ADAMTS17: variants seen among roughly 807,000 people sequenced by gnomAD.
The protein encoded by ADAMTS17 is A disintegrin and metalloproteinase with thrombospondin motifs 17.
In ADAMTS17, 113 loss-of-function variants were observed where a neutral mutation model predicts 141.5. The ratio of observed to expected loss-of-function variants is 0.80; its 90% CI spans 0.69 to 0.93. The LOEUF (loss-of-function observed/expected upper bound fraction) is 0.93, where lower values mean the gene tolerates loss of function less well. ADAMTS17 is among the 40% of genes least tolerant of loss of function. The pLI, the probability that ADAMTS17 is intolerant of heterozygous loss-of-function variation, is 0.00. For missense variants in ADAMTS17, 1,659 were observed against 1,517.9 expected (o/e 1.09, Z -1.54); for synonymous variants, 768 against 630.6 (o/e 1.22, Z -3.27).
At chr15:100,020,379 G>C (rs1216690416) in intron 18 of ADAMTS17, among the ~76,000 whole-genome samples, 1 of 152,192 alleles carries the variant, frequency 6.6e-6, no homozygotes. Flanking sequence ...CGCTCCCTCA[G>C]CAACTGTGTT....
chr15:100,337,762 T>TA lies in ADAMTS17; in HGVS notation c.450+3276dup, dbSNP rs199984250. On this transcript the variant is annotated intron_variant, in intron 2 of 21. Transcript: ENST00000268070. ...CTCCCCTCCTCTCGTTCACTCTTCC[T>TA]AAAACAAGTCCTCCAGCCACTCACT... Among the ~76,000 whole-genome samples, 1,006 of 152,344 alleles carry TA rather than the reference T, an allele frequency of 6.6e-3. 27 individuals are homozygous for TA. The highest frequency in any genetic ancestry group is 0.048 in the Admixed American group (738 of 15,306).
At chr15:100,169,820 C>T (rs897481830) in intron 8 of ADAMTS17, among the ~76,000 whole-genome samples, 11 of 152,278 alleles carry the variant, frequency 7.2e-5, no homozygotes, top group Admixed American at 3.3e-4. Context: ...TGCAACACAG[C>T]GTGGATGTGG....
chr15:100,048,528 C>G (rs2031887257), intron 18 of ADAMTS17, among the ~76,000 whole-genome samples: 1 of 151,396 alleles, frequency 6.6e-6, no homozygotes, highest in African/African-American at 2.4e-5. Flanking sequence ...TATTTGTTTC[C>G]TTCTCCACCA....
intron 15 of ADAMTS17, among the ~76,000 whole-genome samples, chr15:100,086,529 T>A (rs2035111598): frequency 6.6e-6 from 1 of 152,106 alleles, no homozygotes; most frequent in Non-Finnish European, 1.5e-5. Context: ...CCACCCCAAA[T>A]CAACAGAATA....
chr15:100,004,847 C>T (rs1177914450), intron 18 of ADAMTS17, among the ~76,000 whole-genome samples: 1 of 152,182 alleles, frequency 6.6e-6, no homozygotes, highest in Non-Finnish European at 1.5e-5. Flanking sequence ...TCTTGAACTG[C>T]TGACCTCCAG....
rs34581135 is a variant in ADAMTS17, at chr15:100,109,405, A to C, written c.1889-289T>G. ...AGGCATCAACTATACCCGGTGAACA[A>C]AGGAAGAGTTGTGTGCTAATCTCTA... On this transcript the variant is annotated intron_variant, in intron 13 of 21. Transcript: ENST00000268070. 0.47 allele frequency among the ~76,000 whole-genome samples: 71,793 copies of C among 151,590 alleles called. 17,080 individuals carry two copies. Among genetic ancestry groups the C allele is most frequent in the Admixed American group, 0.52 (7,901 of 15,240 alleles).
At chr15:100,210,619 T>G (rs1329482428) in intron 7 of ADAMTS17, among the ~76,000 whole-genome samples, 1 of 152,188 alleles carries the variant, frequency 6.6e-6, no homozygotes, top group Non-Finnish European at 1.5e-5. Context: ...AATGTTTTAT[T>G]TGGCCCATTT....
intron 8 of ADAMTS17, among the ~76,000 whole-genome samples, chr15:100,198,999 G>A (rs1202778365): frequency 1.3e-5 from 2 of 152,206 alleles, no homozygotes; most frequent in Non-Finnish European, 2.9e-5. Context: ...GACTTAGAGT[G>A]AATCAAAGAT....
intron 7 of ADAMTS17, among the ~76,000 whole-genome samples, chr15:100,200,278 G>C (rs1038111685): frequency 3.9e-5 from 6 of 152,194 alleles, no homozygotes. Flanking sequence ...AGGAGGGGCA[G>C]GTGTTTTCCA....
chr15:99,993,297 G>T lies in ADAMTS17; in HGVS notation c.2797-97C>A, dbSNP rs2060728443. On this transcript the variant is annotated intron_variant, in intron 19 of 21. Transcript: ENST00000268070. This position sits in a 1 kb window ranked among gnomAD's most constrained non-coding sequence, Gnocchi z 4.3. ...TCCAATGTGCCAGGTGCGGTGTGGGGATGATACAAAGATGAAAACCCACAC... is the reference window on the plus strand; with the variant it reads ...TCCAATGTGCCAGGTGCGGTGTGGGTATGATACAAAGATGAAAACCCACAC... 1 of 1,523,588 alleles carries T rather than the reference G, an allele frequency of 6.6e-7. No homozygotes were observed. Among genetic ancestry groups the T allele is most frequent in the African/African-American group, 1.4e-5 (1 of 73,456 alleles). The allele number at this position is 1,523,588 out of a possible 1,614,324, so 94.4% of individuals were successfully genotyped here.
intron 2 of ADAMTS17, 81 bp from the exon 3 acceptor site, chr15:100,331,135 AC>A: frequency 6.4e-7 from 1 of 1,559,332 alleles, no homozygotes. Flanking sequence ...GGCAGGCAAG[AC>A]CACCTTGCTG....
intron 3 of ADAMTS17, among the ~76,000 whole-genome samples, chr15:100,327,342 A>T (rs931953297): frequency 6.6e-6 from 1 of 152,248 alleles, no homozygotes; most frequent in African/African-American, 2.4e-5. Context: ...AATAACCACA[A>T]TGATTTTTTG....
intron 18 of ADAMTS17, among the ~76,000 whole-genome samples, chr15:100,039,315 T>C (rs976303672): frequency 6.6e-6 from 1 of 152,204 alleles, no homozygotes; most frequent in Non-Finnish European, 1.5e-5. Flanking sequence ...CTTTCCAGTA[T>C]CATTACATGG....
At chr15:100,086,512 G>A (rs183451041) in intron 15 of ADAMTS17, among the ~76,000 whole-genome samples, 1 of 152,216 alleles carries the variant, frequency 6.6e-6, no homozygotes, top group Non-Finnish European at 1.5e-5. Context: ...GACATCTATA[G>A]AACTCTCCAC....
At chr15:100,294,723 G>A (rs1026059611) in intron 3 of ADAMTS17, among the ~76,000 whole-genome samples, 1 of 152,190 alleles carries the variant, frequency 6.6e-6, no homozygotes, top group African/African-American at 2.4e-5. Context: ...CCAGTTGTAA[G>A]AGGGGCTCCC....
chr15:100,150,720 C>T (rs553171864), intron 10 of ADAMTS17, among the ~76,000 whole-genome samples: 15 of 152,290 alleles, frequency 9.8e-5, no homozygotes, highest in African/African-American at 3.1e-4. Context: ...CAGCCTGGCC[C>T]GCCACATCTC....
In ADAMTS17 at chr15:100,264,475, C is replaced by T. The variant is rs1396333764; in HGVS notation, c.790-2040G>A. 2.0e-5 allele frequency among the ~76,000 whole-genome samples: 3 copies of T among 152,190 alleles called. No individual in the cohort carries two copies. The East Asian group carries it at 5.8e-4, about 29-fold the overall frequency. ...CTGAGATTGCACAGCACAATCTAAA[C>T]ACTGCCTGTCACGCCAAGCCCAGTC... On this transcript the variant is annotated intron_variant, in intron 4 of 21. Transcript: ENST00000268070.
rs77877195 is a variant in ADAMTS17, at chr15:100,163,298, C to T, written c.1182-7978G>A. The stretch of plus-strand genomic sequence containing the variant: ...TCTGTCCCCTATTCCAGTCAGCAAG[C>T]GTGTGTTTGCTTGTGCACACTGACA... On this transcript the variant is annotated intron_variant, in intron 8 of 21. Transcript: ENST00000268070. 9.9e-3 allele frequency among the ~76,000 whole-genome samples: 1,512 copies of T among 152,152 alleles called. 16 individuals carry two copies. The highest frequency in any genetic ancestry group is 0.02 in the Middle Eastern group (6 of 294).
At chr15:100,029,120 C>G (rs541284819) in intron 18 of ADAMTS17, among the ~76,000 whole-genome samples, 2 of 152,108 alleles carry the variant, frequency 1.3e-5, no homozygotes, top group East Asian at 1.9e-4. Flanking sequence ...CCAGGGTGAA[C>G]CCCTAGTCCT....
Sources: gnomAD v4.1 joint callset for allele counts (sites outside exome capture counted in the v4.1 genomes callset) on GRCh38, gnomAD v4.1.1 for gene constraint, Gnocchi (gnomAD v3.1) non-coding constraint, MANE v1.5 for transcripts, NCBI Gene and HGNC (gene_info 2026-07-23, HGNC 2026-07-21) for gene names.